Variants in HECW1 observed in about 807,000 individuals in gnomAD.
HECW1 encodes E3 ubiquitin-protein ligase HECW1.
In HECW1, 61 loss-of-function variants were observed where a neutral mutation model predicts 182.3. The observed-to-expected ratio is 0.33, with a 90% CI of 0.27 to 0.41. HECW1 has a LOEUF of 0.41. Ranked by LOEUF, HECW1 falls within the 10% of genes least tolerant of loss-of-function variation. HECW1 has a pLI of 1.00. For missense variants in HECW1, 1,739 were observed against 2,108.9 expected, an observed-to-expected ratio of 0.82 and a Z score of 3.44; for synonymous variants, 859 against 832.6, an observed-to-expected ratio of 1.03 and a Z score of -0.55.
At chr7:43,173,801 C>T (rs1296612831) in intron 2 of HECW1, among the ~76,000 whole-genome samples, 1 of 151,954 alleles carries the variant, frequency 6.6e-6, no homozygotes, top group Non-Finnish European at 1.5e-5. Context: ...GTGTGAAAGA[C>T]TCACAGTATC....
intron 28 of HECW1, among the ~76,000 whole-genome samples, chr7:43,552,842 A>G (rs1041549328): frequency 3.3e-5 from 5 of 152,328 alleles, no homozygotes; most frequent in Non-Finnish European, 5.9e-5. Flanking sequence ...TTACTTCAGT[A>G]CAAAGCAGGA....
chr7:43,267,524 CAAGT>C (rs1801931180), intron 3 of HECW1, among the ~76,000 whole-genome samples: 4 of 150,768 alleles, frequency 2.7e-5, no homozygotes. Flanking sequence ...TAACTGTGTT[CAAGT>C]AAAAAAAAAT....
At chr7:43,165,708 T>C (rs1791045964) in intron 2 of HECW1, among the ~76,000 whole-genome samples, 1 of 152,206 alleles carries the variant, frequency 6.6e-6, no homozygotes, top group Non-Finnish European at 1.5e-5. Flanking sequence ...ATAGTTTCCT[T>C]ACAATCAATC....
intron 24 of HECW1, among the ~76,000 whole-genome samples, chr7:43,540,304 T>A (rs372728589): frequency 3.3e-5 from 5 of 151,756 alleles, no homozygotes; most frequent in African/African-American, 4.8e-5. Context: ...CTACTTAGAG[T>A]GGACACCAGG....
intron 3 of HECW1, among the ~76,000 whole-genome samples, chr7:43,273,354 A>T (rs1484575784): frequency 1.3e-5 from 2 of 152,170 alleles, no homozygotes; most frequent in Non-Finnish European, 2.9e-5. Flanking sequence ...AAATAAATAG[A>T]TTGAAATGGT....
At chr7:43,296,197 T>C (rs1806026964) in intron 3 of HECW1, among the ~76,000 whole-genome samples, 1 of 152,208 alleles carries the variant, frequency 6.6e-6, no homozygotes, top group Admixed American at 6.5e-5. Flanking sequence ...GTCCCAACTA[T>C]CTTGTAAAAC....
At chr7:43,498,764 T>A (rs1388717779) in intron 19 of HECW1, among the ~76,000 whole-genome samples, 8 of 152,114 alleles carry the variant, frequency 5.3e-5, no homozygotes, top group African/African-American at 1.9e-4. Flanking sequence ...TGAAGTTGGA[T>A]CAGAGTGCAT....
intron 19 of HECW1, among the ~76,000 whole-genome samples, chr7:43,495,428 C>G (rs2079083490): frequency 6.6e-6 from 1 of 152,124 alleles, no homozygotes; most frequent in Non-Finnish European, 1.5e-5. Context: ...TTTTGTCTTG[C>G]TTTGATAGTA....
rs1340300757 is a variant in HECW1, at chr7:43,432,195, A to G, written c.802-5808A>G. On this transcript the variant is annotated intron_variant, in intron 8 of 29. Coordinates refer to ENST00000395891, the MANE Select transcript of HECW1 (RefSeq NM_015052.5). This position sits in a 1 kb window ranked among gnomAD's most constrained non-coding sequence, Gnocchi z 4.1. ...CGCTCTGTCGCCCGGGCTGGAGTGC[A>G]GTGGCGGGATCTCGGCTCACTGCAA... is the stretch of plus-strand genomic sequence containing the variant. Among the ~76,000 whole-genome samples the G allele has an allele frequency of 1.4e-5, 2 of 144,784 alleles. No homozygotes were observed. The highest frequency in any genetic ancestry group is 3.0e-5 in the Non-Finnish European group (2 of 66,908). The allele number at this position is 144,784 out of a possible 152,430, so 95.0% of individuals were successfully genotyped here. A position where few individuals can be genotyped will look rare whatever the true frequency, so the allele number is the denominator to read the frequency against.
At chr7:43,365,458 A>AC (rs11440570) in intron 6 of HECW1, among the ~76,000 whole-genome samples, 152,287 of 152,340 alleles carry the variant, frequency 1, 76,117 homozygotes, top group Middle Eastern at 1. Context: ...TGACATTCCC[A>AC]CCCGTGTGGG....
At chr7:43,553,455 A>T (rs984247058) in intron 28 of HECW1, among the ~76,000 whole-genome samples, 7 of 152,248 alleles carry the variant, frequency 4.6e-5, no homozygotes, top group Admixed American at 2.0e-4. Context: ...AGGCAGACAG[A>T]TTGCTTGAAC....
chr7:43,378,325 A>T (rs1213771339), intron 6 of HECW1, among the ~76,000 whole-genome samples: 2 of 152,220 alleles, frequency 1.3e-5, no homozygotes, highest in Non-Finnish European at 2.9e-5. Flanking sequence ...ATGAGGAGAG[A>T]GGAGAGGACT....
intron 2 of HECW1, among the ~76,000 whole-genome samples, chr7:43,168,003 A>G (rs1367978263): frequency 2.0e-5 from 3 of 152,146 alleles, no homozygotes; most frequent in African/African-American, 4.8e-5. Flanking sequence ...ACACCACACC[A>G]CCAAGTAAAA....
At chr7:43,257,106 G>T (rs1286895075) in intron 3 of HECW1, among the ~76,000 whole-genome samples, 1 of 152,134 alleles carries the variant, frequency 6.6e-6, no homozygotes, top group Non-Finnish European at 1.5e-5. Context: ...ACTGATTATT[G>T]TACTAAGGGC....
chr7:43,116,366 G>A (rs140761004), intron 2 of HECW1, among the ~76,000 whole-genome samples: 5 of 152,292 alleles, frequency 3.3e-5, no homozygotes, highest in Admixed American at 1.3e-4. Context: ...AACAGAAGAC[G>A]TGAGCACCCT....
intron 2 of HECW1, among the ~76,000 whole-genome samples, chr7:43,160,360 T>C (rs190678096): frequency 5.4e-4 from 82 of 152,342 alleles, no homozygotes; most frequent in African/African-American, 1.9e-3. Context: ...TCACTTGTGT[T>C]GTTGTGGTTT....
At chr7:43,491,491 C>G (rs184492062) in intron 17 of HECW1, among the ~76,000 whole-genome samples, 1 of 152,102 alleles carries the variant, frequency 6.6e-6, no homozygotes, top group African/African-American at 2.4e-5. Flanking sequence ...TATAGGCGTA[C>G]CTTACCAATG....
intron 9 of HECW1, chr7:43,438,838 T>C (rs915432856): frequency 1.3e-5 from 2 of 152,236 alleles, no homozygotes; most frequent in Admixed American, 6.5e-5. Flanking sequence ...AAGCTTTCTA[T>C]TGATAAACAT....
chr7:43,284,017 G>A (rs1804272654), intron 3 of HECW1, among the ~76,000 whole-genome samples: 1 of 152,170 alleles, frequency 6.6e-6, no homozygotes, highest in Non-Finnish European at 1.5e-5. Flanking sequence ...AAGTAGAGAT[G>A]TGGGGATTGA....
Sources: allele counts gnomAD v4.1 joint callset (sites outside exome capture counted in the v4.1 genomes callset), GRCh38; gene constraint gnomAD v4.1.1; non-coding constraint Gnocchi (gnomAD v3.1); transcripts MANE v1.5; gene names NCBI Gene and HGNC (gene_info 2026-07-23, HGNC 2026-07-21).